The following TMTC1 variants were observed in gnomAD, a reference collection of about 807,000 sequenced individuals.
TMTC1 encodes the protein protein O-mannosyl-transferase TMTC1.
TMTC1 carries 73 observed loss-of-function variants against 104.8 expected under a neutral mutation model. That is an observed-to-expected ratio of 0.70 (90% CI 0.58 to 0.85). The LOEUF (loss-of-function observed/expected upper bound fraction) is 0.85, where lower values mean the gene tolerates loss of function less well. TMTC1 is among the 40% of genes least tolerant of loss of function. TMTC1 has a pLI of 0.00. For missense variants in TMTC1, 1,035 were observed against 1,096.1 expected (o/e 0.94, Z 0.79); for synonymous variants, 434 against 428.7 (o/e 1.01, Z -0.15).
At chr12:29,552,612 T>TC in intron 10 of TMTC1, among the ~76,000 whole-genome samples, 1 of 152,172 alleles carries the variant, frequency 6.6e-6, no homozygotes, top group East Asian at 1.9e-4. Context: ...ATTTCCTTAC[T>TC]AAAGGACTTT....
intron 2 of TMTC1, among the ~76,000 whole-genome samples, chr12:29,762,785 G>A (rs564293933): frequency 3.3e-5 from 5 of 152,358 alleles, no homozygotes; most frequent in Non-Finnish European, 7.3e-5. Context: ...GACGAATGCA[G>A]TGACAGTGTG....
At chr12:29,730,320 T>A (rs1466177542) in intron 5 of TMTC1, among the ~76,000 whole-genome samples, 1 of 152,200 alleles carries the variant, frequency 6.6e-6, no homozygotes, top group Non-Finnish European at 1.5e-5. Flanking sequence ...TTGTGCTTTT[T>A]TAAAAGATGA....
rs144268878 is a variant in TMTC1 at position 29,660,776 on chromosome 12, G to GTATA, written c.939-27444_939-27441dup. 2,591 of 702,538 alleles carry GTATA rather than the reference G, an allele frequency of 3.7e-3. 1 individual carries two copies. The highest frequency in any genetic ancestry group is 5.2e-3 in the South Asian group (113 of 21,940). The allele number at this position is 702,538 out of a possible 1,614,324, so 43.5% of individuals were successfully genotyped here. ...ACATTCCTTATCAGATATTTCAAAA[G>GTATA]TATATATATATATATATATATACTT... On this transcript the variant is annotated intron_variant, in intron 5 of 17. Transcript: ENST00000539277.
chr12:29,759,803 T>G (rs116249339), intron 2 of TMTC1, among the ~76,000 whole-genome samples: 1 of 152,066 alleles, frequency 6.6e-6, no homozygotes, highest in Non-Finnish European at 1.5e-5. Context: ...CAAAAGGTCA[T>G]AGAAGCCAGG....
chr12:29,692,631 T>C lies in TMTC1; in HGVS notation c.938+59035A>G, dbSNP rs1474498235. On this transcript the variant is annotated intron_variant, in intron 5 of 17. Coordinates refer to ENST00000539277, the MANE Select transcript of TMTC1 (RefSeq NM_001193451.2). ...CTTTACTATATAAAGTGGCAATTCC[T>C]TCCTTGGTATTCATCTTTCCAAGAA... 2.1e-5 allele frequency among the ~76,000 whole-genome samples: 3 copies of C among 145,180 alleles called. 1 individual carries two copies. Among genetic ancestry groups the C allele is most frequent in the African/African-American group, 7.6e-5 (3 of 39,700 alleles).
chr12:29,612,292 T>C (rs1392546070), intron 6 of TMTC1, among the ~76,000 whole-genome samples: 1 of 152,310 alleles, frequency 6.6e-6, no homozygotes, highest in African/African-American at 2.4e-5. Flanking sequence ...AGCACAAGAT[T>C]GCATTCTACA....
intron 6 of TMTC1, among the ~76,000 whole-genome samples, chr12:29,617,832 A>T (rs1947028030): frequency 6.6e-6 from 1 of 152,178 alleles, no homozygotes; most frequent in South Asian, 2.1e-4. Flanking sequence ...TGGGACCAGC[A>T]CATGTAGAAC....
chr12:29,548,516 T>G (rs889198339), intron 10 of TMTC1, among the ~76,000 whole-genome samples: 1 of 152,014 alleles, frequency 6.6e-6, no homozygotes, highest in Non-Finnish European at 1.5e-5. Flanking sequence ...CTCATGGAGA[T>G]CTGATGGTTT....
At chr12:29,701,209 C>A (rs1941583862) in intron 5 of TMTC1, among the ~76,000 whole-genome samples, 1 of 152,076 alleles carries the variant, frequency 6.6e-6, no homozygotes, top group Non-Finnish European at 1.5e-5. Flanking sequence ...CCATGGGAAT[C>A]CACTCAAAGA....
intron 10 of TMTC1, among the ~76,000 whole-genome samples, chr12:29,546,041 A>G (rs1944934341): frequency 6.6e-6 from 1 of 152,176 alleles, no homozygotes; most frequent in Non-Finnish European, 1.5e-5. Flanking sequence ...ACTCAAACTC[A>G]CTAAGCTCTC....
intron 15 of TMTC1, among the ~76,000 whole-genome samples, chr12:29,515,542 C>T (rs764893542): frequency 9.9e-5 from 15 of 152,142 alleles, no homozygotes; most frequent in Non-Finnish European, 1.8e-4. Context: ...CTCTGCCTAA[C>T]AACTCTTATT....
In TMTC1 at chr12:29,504,940, G is replaced by A. The variant is rs1426101147; in HGVS notation, c.*1906C>T. ...CACTGGAGTATGTTTCTTGACACTA[G>A]GACTATGATTTTGGGGGAAGAATAG... On this transcript the variant is annotated 3_prime_UTR_variant, in exon 18 of 18. Coordinates refer to ENST00000539277, the MANE Select transcript of TMTC1 (RefSeq NM_001193451.2). 6.6e-6 allele frequency: 1 copy of A among 152,020 alleles called. No individual in the cohort carries two copies. The highest frequency in any genetic ancestry group is 1.9e-4 in the East Asian group (1 of 5,196). The allele number at this position is 152,020 out of a possible 1,614,324, so 9.4% of individuals were successfully genotyped here. A position where few individuals can be genotyped will look rare whatever the true frequency, so the allele number is the denominator to read the frequency against.
At chr12:29,643,382 A>G (rs1938955410) in intron 5 of TMTC1, among the ~76,000 whole-genome samples, 1 of 95,746 alleles carries the variant, frequency 1.0e-5, no homozygotes, top group South Asian at 2.9e-4. Flanking sequence ...GCACAATGCT[A>G]TGGTGAACCA....
intron 5 of TMTC1, among the ~76,000 whole-genome samples, chr12:29,648,257 G>A (rs537795215): frequency 6.6e-6 from 1 of 152,236 alleles, no homozygotes; most frequent in South Asian, 2.1e-4. Context: ...ATTCCCTAGT[G>A]TTTTTGAGGC....
intron 5 of TMTC1, among the ~76,000 whole-genome samples, chr12:29,725,014 C>CTTTTTT (rs869135481): frequency 5.5e-5 from 5 of 90,398 alleles, no homozygotes; most frequent in East Asian, 3.5e-4. Flanking sequence ...CTGCCAAGTT[C>CTTTTTT]TTTTTTTTTT....
chr12:29,508,191 T>C (rs1943742249), intron 17 of TMTC1, among the ~76,000 whole-genome samples: 1 of 152,214 alleles, frequency 6.6e-6, no homozygotes, highest in Non-Finnish European at 1.5e-5. Flanking sequence ...AAATTGTACG[T>C]TAGATATCCA....
intron 11 of TMTC1, among the ~76,000 whole-genome samples, chr12:29,530,781 T>A (rs35111056): frequency 0.19 from 28,960 of 152,070 alleles, 3,131 homozygotes; most frequent in East Asian, 0.38. Context: ...AATTTGTAGA[T>A]CTCATGATTT....
intron 9 of TMTC1, among the ~76,000 whole-genome samples, chr12:29,557,529 C>A (rs1441052866): frequency 6.6e-6 from 1 of 152,264 alleles, no homozygotes; most frequent in South Asian, 2.1e-4. Flanking sequence ...TGGCTCACTG[C>A]AACCCCCGCC....
chr12:29,731,518 A>T (rs1942545676), intron 5 of TMTC1, among the ~76,000 whole-genome samples: 1 of 152,210 alleles, frequency 6.6e-6, no homozygotes, highest in African/African-American at 2.4e-5. Context: ...TTAGAAGAAA[A>T]GAAACTGTTC....
Sources: gnomAD v4.1 joint callset for allele counts (sites outside exome capture counted in the v4.1 genomes callset) on GRCh38, gnomAD v4.1.1 for gene constraint, MANE v1.5 for transcripts, NCBI Gene and HGNC (gene_info 2026-07-23, HGNC 2026-07-21) for gene names.